Variants in MEGF10 observed in about 807,000 individuals in gnomAD.
The protein encoded by MEGF10 is multiple EGF like domains 10.
Under a neutral mutation model 147.5 loss-of-function variants are expected in MEGF10, and 86 were observed. The observed-to-expected ratio is 0.58, with a 90% CI of 0.49 to 0.70. The LOEUF is 0.70. MEGF10 is among the 30% of genes least tolerant of loss of function. MEGF10 has a pLI of 0.00. For synonymous variants in MEGF10, 478 were observed against 525.5 expected (o/e 0.91, Z 1.24); for missense variants, 1,329 against 1,487.3 (o/e 0.89, Z 1.75).
chr5:127,387,912 T>C (rs1304611096), intron 5 of MEGF10, among the ~76,000 whole-genome samples: 3 of 152,156 alleles, frequency 2.0e-5, no homozygotes, highest in African/African-American at 7.2e-5. Context: ...TTGAGGCAGG[T>C]TAGGAGAGAA....
intron 4 of MEGF10, among the ~76,000 whole-genome samples, chr5:127,368,338 T>C (rs1242190109): frequency 6.6e-6 from 1 of 152,232 alleles, no homozygotes; most frequent in African/African-American, 2.4e-5. Context: ...TCACCAGTCC[T>C]GGTATTCCTC....
intron 5 of MEGF10, among the ~76,000 whole-genome samples, chr5:127,396,009 C>T (rs114771660): frequency 1.3e-5 from 2 of 152,258 alleles, no homozygotes; most frequent in African/African-American, 4.8e-5. Flanking sequence ...TTTTCCTGCT[C>T]CATCTCTCTG....
At chr5:127,277,053 C>A in the MEGF10 span, among the ~76,000 whole-genome samples, 1 of 152,098 alleles carries the variant, frequency 6.6e-6, no homozygotes, top group Non-Finnish European at 1.5e-5. Flanking sequence ...ACCAAAGTAT[C>A]TGAAGTATAG....
chr5:127,437,285 G>T (rs370057168), intron 16 of MEGF10, among the ~76,000 whole-genome samples: 2 of 152,120 alleles, frequency 1.3e-5, no homozygotes, highest in African/African-American at 4.8e-5. Flanking sequence ...GACCTTGTAC[G>T]AGTCACTATT....
intron 4 of MEGF10, among the ~76,000 whole-genome samples, chr5:127,362,408 C>T (rs907001955): frequency 2.7e-5 from 4 of 147,964 alleles, no homozygotes; most frequent in African/African-American, 1.0e-4. Flanking sequence ...CTTGCTCTGT[C>T]ACCCAGACTG....
At chr5:127,391,078 ATACACACATGCGCGCGCGCGCGCG>A (rs1224815403) in intron 5 of MEGF10, among the ~76,000 whole-genome samples, 43 of 134,138 alleles carry the variant, frequency 3.2e-4, no homozygotes, top group African/African-American at 7.9e-4. Flanking sequence ...ATATACATAC[ATACACACATGCGCGCGCGCGCGCG>A]CACACACACA....
chr5:127,299,805 C>G (rs1298291103), intron 1 of MEGF10, among the ~76,000 whole-genome samples: 3 of 151,622 alleles, frequency 2.0e-5, no homozygotes, highest in African/African-American at 7.3e-5. Flanking sequence ...ACAGGGAAAG[C>G]CTTTTCTGGA....
chr5:127,277,426 T>A, the MEGF10 span, among the ~76,000 whole-genome samples: 2 of 152,128 alleles, frequency 1.3e-5, no homozygotes, highest in South Asian at 4.2e-4. Flanking sequence ...TTTCCTCACT[T>A]CCTTACAAGT....
intron 5 of MEGF10, among the ~76,000 whole-genome samples, chr5:127,391,007 A>C (rs1763637456): frequency 6.6e-6 from 1 of 151,886 alleles, no homozygotes; most frequent in South Asian, 2.1e-4. Context: ...TGGGCATGCT[A>C]AGGTATTATT....
chr5:127,268,659 G>C, the MEGF10 span, among the ~76,000 whole-genome samples: 285 of 152,316 alleles, frequency 1.9e-3, 1 homozygote, highest in African/African-American at 6.6e-3. Context: ...CCCACCTCTG[G>C]GGGTAGGGCA....
At chr5:127,355,031 T>A (rs1762231842) in intron 4 of MEGF10, among the ~76,000 whole-genome samples, 1 of 152,220 alleles carries the variant, frequency 6.6e-6, no homozygotes, top group Non-Finnish European at 1.5e-5. Flanking sequence ...TGTATCATTT[T>A]GGTCTTTTCC....
chr5:127,405,824 A>C (rs955676593), intron 8 of MEGF10, among the ~76,000 whole-genome samples: 1 of 151,978 alleles, frequency 6.6e-6, no homozygotes, highest in East Asian at 1.9e-4. Flanking sequence ...GCTTAATTTC[A>C]TTAAATGCCT....
chr5:127,420,890 C>T (rs1764972688), intron 12 of MEGF10, among the ~76,000 whole-genome samples: 1 of 152,194 alleles, frequency 6.6e-6, no homozygotes, highest in Non-Finnish European at 1.5e-5. Flanking sequence ...AGCCATTAGG[C>T]ATTCTCTCTG....
the MEGF10 span, among the ~76,000 whole-genome samples, chr5:127,255,073 A>G: frequency 1.3e-5 from 2 of 151,706 alleles, no homozygotes; most frequent in African/African-American, 4.8e-5. Context: ...TTGGTTGGGG[A>G]TGAAATCATA....
chr5:127,456,205 C>T (rs1766358838), intron 24 of MEGF10, among the ~76,000 whole-genome samples: 1 of 152,126 alleles, frequency 6.6e-6, no homozygotes. Context: ...TTTCCTGGTT[C>T]ATTATATTAA....
At chr5:127,341,210 C>G (rs968533627) in intron 4 of MEGF10, among the ~76,000 whole-genome samples, 1 of 152,198 alleles carries the variant, frequency 6.6e-6, no homozygotes, top group South Asian at 2.1e-4. Context: ...TTATGACACA[C>G]TTCAGAGAAT....
intron 4 of MEGF10, among the ~76,000 whole-genome samples, chr5:127,361,513 T>A (rs1762470786): frequency 6.6e-6 from 1 of 152,066 alleles, no homozygotes; most frequent in South Asian, 2.1e-4. Flanking sequence ...TTTCTGTTTT[T>A]TATTTTATTG....
chr5:127,301,238 C>T lies in MEGF10; in HGVS notation c.-19+10182C>T, dbSNP rs73344914. On this transcript the variant is annotated intron_variant, in intron 1 of 24. Coordinates refer to ENST00000503335, the MANE Select transcript of MEGF10 (RefSeq NM_001256545.2). ...TGCTTCCAGTCCCAGAACAACCTGT[C>T]GTCCTTTTTCTCTTGAGAAGACCCT... 5.2e-3 allele frequency among the ~76,000 whole-genome samples: 792 copies of T among 152,286 alleles called. 7 individuals carry two copies. Among genetic ancestry groups the T allele is most frequent in the African/African-American group, 0.018 (736 of 41,548 alleles).
At chr5:127,450,669 C>A (rs1379680368) in intron 22 of MEGF10, among the ~76,000 whole-genome samples, 2 of 152,108 alleles carry the variant, frequency 1.3e-5, no homozygotes, top group Non-Finnish European at 2.9e-5. Context: ...ATGGGATGTA[C>A]ACTAAAGATT....
Sources: allele counts gnomAD v4.1 joint callset (sites outside exome capture counted in the v4.1 genomes callset), GRCh38; gene constraint gnomAD v4.1.1; transcripts MANE v1.5; gene names NCBI Gene and HGNC (gene_info 2026-07-23, HGNC 2026-07-21).